Variants in KAZN observed in about 807,000 individuals in gnomAD.
KAZN encodes kazrin.
Under a neutral mutation model 87.4 loss-of-function variants are expected in KAZN, and 40 were observed. That is an observed-to-expected ratio of 0.46 (90% confidence interval 0.36 to 0.60). The LOEUF (loss-of-function observed/expected upper bound fraction) is 0.60, where lower values mean the gene tolerates loss of function less well. Among genes scored for constraint, KAZN ranks in the 20% least tolerant of loss-of-function variants. The probability of loss-of-function intolerance (pLI) is 0.00; values close to 1 mark genes in which losing one functional copy is unlikely to be tolerated. For synonymous variants in KAZN, 466 were observed against 458.3 expected, an observed-to-expected ratio of 1.02 and a Z score of -0.22; for missense variants, 898 against 1,073.9, an observed-to-expected ratio of 0.84 and a Z score of 2.29.
At chr1:14,050,159 CGCG>C (rs1557433252) in intron 1 of KAZN, among the ~76,000 whole-genome samples, 2 of 145,558 alleles carry the variant, frequency 1.4e-5, no homozygotes, top group African/African-American at 2.6e-5. Context: ...TATGCTTGTG[CGCG>C]TGTGTGGGTG....
intron 2 of KAZN, among the ~76,000 whole-genome samples, chr1:14,980,298 G>T (rs1393022821): frequency 6.6e-6 from 1 of 152,188 alleles, no homozygotes; most frequent in African/African-American, 2.4e-5. Context: ...AGAGAAGAGG[G>T]CTCTATTAAA....
At chr1:14,903,153 GCCA>G (rs1448347879) in intron 1 of KAZN, among the ~76,000 whole-genome samples, 2 of 152,112 alleles carry the variant, frequency 1.3e-5, no homozygotes, top group African/African-American at 2.4e-5. Flanking sequence ...ACAGGTGTGA[GCCA>G]CCACACCTGG....
chr1:15,075,784 G>A lies in KAZN; in HGVS notation c.1222+10031G>A, dbSNP rs578196235. Among the ~76,000 whole-genome samples the A allele has an allele frequency of 4.0e-4, 61 of 152,278 alleles. 1 individual carries two copies. The South Asian group carries it at 0.012, about 29-fold the overall frequency. Reference sequence around the variant, plus strand: ...CCGACAGATTGGCTTGGAAATGCCGGTCCCAGGGTGTTCATTATTTTCCTG... The same window carrying A: ...CCGACAGATTGGCTTGGAAATGCCGATCCCAGGGTGTTCATTATTTTCCTG... On this transcript the variant is annotated intron_variant, in intron 8 of 14. Transcript: ENST00000376030.
chr1:14,863,542 C>T (rs1651109395), intron 1 of KAZN, among the ~76,000 whole-genome samples: 1 of 152,138 alleles, frequency 6.6e-6, no homozygotes, highest in African/African-American at 2.4e-5. Context: ...ACTTTTCAAA[C>T]ACTTCTATTG....
intron 2 of KAZN, among the ~76,000 whole-genome samples, chr1:15,000,277 T>C (rs1668338155): frequency 6.6e-6 from 1 of 151,702 alleles, no homozygotes; most frequent in Non-Finnish European, 1.5e-5. Flanking sequence ...AGGAAACAAA[T>C]TCTCCCCTAT....
At chr1:14,894,198 T>A (rs1655020089) in intron 1 of KAZN, among the ~76,000 whole-genome samples, 1 of 151,500 alleles carries the variant, frequency 6.6e-6, no homozygotes, top group African/African-American at 2.4e-5. Flanking sequence ...CTCACCCCCA[T>A]CTCCCCCGCT....
chr1:14,991,875 G>T (rs1667394711), intron 2 of KAZN, among the ~76,000 whole-genome samples: 1 of 152,208 alleles, frequency 6.6e-6, no homozygotes, highest in South Asian at 2.1e-4. Flanking sequence ...AACATGAGAG[G>T]TTCTAGCCCT....
intron 2 of KAZN, among the ~76,000 whole-genome samples, chr1:14,437,926 A>G (rs946493197): frequency 6.6e-6 from 1 of 152,070 alleles, no homozygotes; most frequent in Non-Finnish European, 1.5e-5. Context: ...ATGGGATGAC[A>G]TGTTCCCTTT....
intron 2 of KAZN, among the ~76,000 whole-genome samples, chr1:14,335,747 G>GCA (rs969846980): frequency 1.4e-4 from 21 of 151,092 alleles, no homozygotes; most frequent in African/African-American, 3.9e-4. Flanking sequence ...GCATGTGCGC[G>GCA]CACACACACA....
At chr1:14,701,966 C>T in intron 1 of KAZN, among the ~76,000 whole-genome samples, 1 of 152,136 alleles carries the variant, frequency 6.6e-6, no homozygotes, top group East Asian at 1.9e-4. Context: ...TGTCAGCATA[C>T]CCTGTGTGTG....
In KAZN at chr1:15,048,732, G is replaced by T. The variant is rs1197104997; in HGVS notation, c.726+4573G>T. Among the ~76,000 whole-genome samples the T allele has an allele frequency of 6.8e-4, 100 of 147,646 alleles. 2 individuals are homozygous for T. The highest frequency in any genetic ancestry group is 9.2e-4 in the African/African-American group (36 of 39,136). On this transcript the variant is annotated intron_variant, in intron 4 of 14. Coordinates refer to ENST00000376030, the MANE Select transcript of KAZN (RefSeq NM_201628.3). ...TCGTTGGTCCTGGGTCGTTGGTCAT[G>T]GGTCGTCGATCCTGGGTCGTCGATC...
At chr1:14,212,254 G>C (rs777928223) in intron 2 of KAZN, among the ~76,000 whole-genome samples, 1 of 152,074 alleles carries the variant, frequency 6.6e-6, no homozygotes, top group African/African-American at 2.4e-5. Context: ...TGATGGCTTC[G>C]TCTTTTCAGG....
At chr1:14,932,955 G>A (rs1428771469) in intron 1 of KAZN, among the ~76,000 whole-genome samples, 2 of 152,052 alleles carry the variant, frequency 1.3e-5, no homozygotes, top group Admixed American at 6.6e-5. Flanking sequence ...CAGAAACCAT[G>A]GCCCATTAAA....
intron 1 of KAZN, among the ~76,000 whole-genome samples, chr1:13,972,942 A>T (rs528806990): frequency 6.6e-6 from 1 of 152,288 alleles, no homozygotes; most frequent in African/African-American, 2.4e-5. Context: ...ATATAATGCA[A>T]TGATTTAACA....
intron 2 of KAZN, among the ~76,000 whole-genome samples, chr1:14,476,069 C>T (rs907709383): frequency 6.6e-6 from 1 of 152,128 alleles, no homozygotes; most frequent in African/African-American, 2.4e-5. Flanking sequence ...GTACTCTGCC[C>T]ATTGTGCAGA....
chr1:14,216,053 A>G (rs1646950877), intron 2 of KAZN, among the ~76,000 whole-genome samples: 1 of 152,244 alleles, frequency 6.6e-6, no homozygotes, highest in Admixed American at 6.5e-5. Flanking sequence ...TTTTTAAAAA[A>G]TAGAGCAAAA....
At position 14,111,535 on chromosome 1, in the gene KAZN, G is replaced by C. The variant is rs1400040467; in HGVS notation, c.92-68900G>C. Among the ~76,000 whole-genome samples the C allele has an allele frequency of 1.0e-4, 14 of 133,994 alleles. 3 individuals carry two copies. In the South Asian group the frequency reaches 3.5e-3, roughly 34 times the overall value. The allele number at this position is 133,994 out of a possible 152,430, so 87.9% of individuals were successfully genotyped here. ...CAGCATTGCTGCACTTGAAGGAAAT[G>C]GTTCGTTTTTCTCATTCATACGAAA... On this transcript the variant is annotated intron_variant, in intron 1 of 16. Transcript: ENST00000636203.
At chr1:14,881,723 T>C (rs1311801050) in intron 1 of KAZN, among the ~76,000 whole-genome samples, 1 of 152,186 alleles carries the variant, frequency 6.6e-6, no homozygotes, top group Non-Finnish European at 1.5e-5. Context: ...CTCGACCACT[T>C]CCCAGCCAGA....
intron 1 of KAZN, among the ~76,000 whole-genome samples, chr1:14,711,845 C>T (rs2100210363): frequency 6.6e-6 from 1 of 152,296 alleles, no homozygotes; most frequent in East Asian, 1.9e-4. Context: ...CTCAGAGGGC[C>T]CAAAAGTCTG....
Sources: gnomAD v4.1 joint callset for allele counts (sites outside exome capture counted in the v4.1 genomes callset) on GRCh38, gnomAD v4.1.1 for gene constraint, MANE v1.5 for transcripts, NCBI Gene and HGNC (gene_info 2026-07-23, HGNC 2026-07-21) for gene names.